Variants in SUSD1 observed in about 807,000 individuals in gnomAD.
The protein encoded by SUSD1 is sushi domain containing 1, also known as sushi domain-containing protein 1.
In SUSD1, 65 loss-of-function variants were observed where a neutral mutation model predicts 86.9. The observed-to-expected ratio is 0.75, with a 90% CI of 0.61 to 0.92. The LOEUF is 0.92. Ranked by LOEUF, SUSD1 falls within the 40% of genes least tolerant of loss-of-function variation. The pLI is 0.00. For synonymous variants in SUSD1, 346 were observed against 350.0 expected (o/e 0.99, Z 0.13); for missense variants, 850 against 929.7 (o/e 0.91, Z 1.11).
intron 6 of SUSD1, among the ~76,000 whole-genome samples, chr9:112,116,297 G>C (rs1050562390): frequency 2.0e-5 from 3 of 152,126 alleles, no homozygotes; most frequent in Non-Finnish European, 2.9e-5. Flanking sequence ...CCAATTATAG[G>C]GGTGTCAGAT....
intron 7 of SUSD1, chr9:112,112,087 G>C: frequency 2.7e-6 from 1 of 376,570 alleles, no homozygotes; most frequent in Non-Finnish European, 4.8e-6. Context: ...ATCAAATGGA[G>C]ACAATTGCAA....
chr9:112,174,844 G>GCCT (rs1834199659), intron 1 of SUSD1, among the ~76,000 whole-genome samples: 1 of 151,756 alleles, frequency 6.6e-6, no homozygotes, highest in African/African-American at 2.4e-5. Context: ...CCCCCACCCC[G>GCCT]CCTCCTGGGC....
At chr9:112,072,766 A>G (rs1436394229) in intron 12 of SUSD1, among the ~76,000 whole-genome samples, 4 of 152,198 alleles carry the variant, frequency 2.6e-5, no homozygotes. Flanking sequence ...AAGGGCAAAC[A>G]TGCCTCTCCT....
chr9:112,080,026 C>T (rs933305703), intron 11 of SUSD1, 48 bp downstream of exon 11: 2 of 1,389,536 alleles, frequency 1.4e-6, no homozygotes, highest in Non-Finnish European at 2.0e-6. Context: ...TTTTAAGCCT[C>T]CCACATAAGA....
chr9:112,095,372 G>GAACCTTGAAC lies in SUSD1; in HGVS notation c.1474+3097_1474+3098insGTTCAAGGTT, dbSNP rs1461822218. ...GACCTGCTAAGTAAGAACGTTCTCA[G>GAACCTTGAAC]AGGGACCTTGAACATTGCAGGCTTA... On this transcript the variant is annotated intron_variant, in intron 10 of 16. Transcript: ENST00000374270. 1.2e-4 allele frequency among the ~76,000 whole-genome samples: 18 copies of GAACCTTGAAC among 152,352 alleles called. No individual in the cohort carries two copies. In the East Asian group the frequency reaches 3.1e-3, roughly 26 times the overall value.
At chr9:112,050,962 G>A (rs1828164187) in intron 15 of SUSD1, among the ~76,000 whole-genome samples, 2 of 152,206 alleles carry the variant, frequency 1.3e-5, no homozygotes, top group South Asian at 4.1e-4. Flanking sequence ...TCTAAGGAAA[G>A]GCTTTGGAGG....
At position 112,162,625 on chromosome 9, in the gene SUSD1, G is replaced by A. The variant is rs146916143; in HGVS notation, c.104-5012C>T. Among the ~76,000 whole-genome samples, 475 of 152,336 alleles carry A rather than the reference G, an allele frequency of 3.1e-3. 4 individuals carry two copies. The highest frequency in any genetic ancestry group is 0.011 in the African/African-American group (455 of 41,568). ...GAAACAATGAAATATGAGAAATTAA[G>A]TAATTCAAACTTAAAGCTGTTGGAA... is the stretch of plus-strand genomic sequence containing the variant. On this transcript the variant is annotated intron_variant, in intron 1 of 16. Coordinates refer to ENST00000374270, the MANE Select transcript of SUSD1 (RefSeq NM_022486.5).
At chr9:112,052,275 C>A in intron 15 of SUSD1, 124 bp downstream of exon 15, 1 of 1,578,372 alleles carries the variant, frequency 6.3e-7, no homozygotes, top group Non-Finnish European at 8.6e-7. Context: ...AAGCTCTTTG[C>A]TTAAAGTAGT....
At chr9:112,052,012 G>T in intron 15 of SUSD1, 3 of 548,790 alleles carry the variant, frequency 5.5e-6, no homozygotes, top group Non-Finnish European at 8.2e-6. Context: ...GAATTGAAAA[G>T]CTATGTTTTC....
At chr9:112,148,329 T>C (rs953612238) in intron 3 of SUSD1, among the ~76,000 whole-genome samples, 1 of 152,094 alleles carries the variant, frequency 6.6e-6, no homozygotes, top group African/African-American at 2.4e-5. Context: ...GGAGGGTTTG[T>C]CCCCACCCTG....
At chr9:112,172,946 G>T (rs1035435488) in intron 1 of SUSD1, among the ~76,000 whole-genome samples, 10 of 152,178 alleles carry the variant, frequency 6.6e-5, no homozygotes, top group African/African-American at 2.4e-4. Flanking sequence ...GATAAGGAGA[G>T]GGGGCTCAAC....
intron 1 of SUSD1, among the ~76,000 whole-genome samples, chr9:112,167,848 A>G (rs1463499461): frequency 6.6e-6 from 1 of 152,226 alleles, no homozygotes; most frequent in East Asian, 1.9e-4. Context: ...CACAGTCCCA[A>G]GTGGCTGGGG....
chr9:112,107,254 C>CAAAAAAAAAAA (rs71382407), intron 8 of SUSD1, among the ~76,000 whole-genome samples: 1 of 66,190 alleles, frequency 1.5e-5, no homozygotes, highest in East Asian at 4.2e-4. Flanking sequence ...GACCATATCT[C>CAAAAAAAAAAA]AAAAAAAAAA....
At chr9:112,068,223 G>C (rs1279385359) in intron 12 of SUSD1, among the ~76,000 whole-genome samples, 3 of 152,192 alleles carry the variant, frequency 2.0e-5, no homozygotes, top group Non-Finnish European at 4.4e-5. Context: ...AAGGCAGGGA[G>C]CTGAGCCTAT....
intron 12 of SUSD1, among the ~76,000 whole-genome samples, chr9:112,076,449 G>A (rs1458022356): frequency 6.6e-6 from 1 of 152,218 alleles, no homozygotes; most frequent in Non-Finnish European, 1.5e-5. Context: ...TGGGTGAACA[G>A]AAATTCCAAT....
intron 12 of SUSD1, among the ~76,000 whole-genome samples, chr9:112,077,456 T>C (rs544768541): frequency 3.3e-5 from 5 of 150,444 alleles, no homozygotes; most frequent in African/African-American, 1.2e-4. Flanking sequence ...ACTGGGGCCC[T>C]ATAGCCGGAG....
intron 3 of SUSD1, among the ~76,000 whole-genome samples, chr9:112,148,981 T>A (rs1436967168): frequency 6.7e-6 from 1 of 150,334 alleles, no homozygotes; most frequent in Non-Finnish European, 1.5e-5. Context: ...TAGACCCACA[T>A]CCCCCCAAGA....
intron 11 of SUSD1, 70 bp from the exon 12 acceptor site, chr9:112,078,794 T>C (rs1260455866): frequency 1.6e-6 from 2 of 1,269,278 alleles, no homozygotes; most frequent in African/African-American, 1.5e-5. Flanking sequence ...AAACCTCCCC[T>C]TTTCCTTTTT....
intron 12 of SUSD1, among the ~76,000 whole-genome samples, chr9:112,077,499 CTTTTTTTTTTTTTTTT>C (rs869259276): frequency 6.0e-5 from 4 of 66,402 alleles, no homozygotes; most frequent in Non-Finnish European, 1.1e-4. Context: ...TAGTAATCTA[CTTTTTTTTTTTTTTTT>C]TTTTTTTTTT....
Sources: gnomAD v4.1 joint callset for allele counts (sites outside exome capture counted in the v4.1 genomes callset) on GRCh38, gnomAD v4.1.1 for gene constraint, MANE v1.5 for transcripts, NCBI Gene and HGNC (gene_info 2026-07-23, HGNC 2026-07-21) for gene names.